LARGE1: variants seen among roughly 807,000 people sequenced by gnomAD.
LARGE1 encodes the protein LARGE xylosyl- and glucuronyltransferase 1, also known as xylosyl- and glucuronyltransferase LARGE1.
LARGE1 carries 43 observed loss-of-function variants against 87.6 expected under a neutral mutation model. The ratio of observed to expected loss-of-function variants is 0.49; its 90% CI spans 0.38 to 0.63. LARGE1 has a LOEUF of 0.63. LARGE1 is among the 30% of genes least tolerant of loss of function. The pLI, the probability that LARGE1 is intolerant of heterozygous loss-of-function variation, is 0.00. For missense variants in LARGE1, 802 were observed against 1,000.2 expected, an observed-to-expected ratio of 0.80 and a Z score of 2.67; for synonymous variants, 434 against 394.6, an observed-to-expected ratio of 1.10 and a Z score of -1.18.
At chr22:33,753,253 T>C (rs2084388713) in intron 2 of LARGE1, among the ~76,000 whole-genome samples, 1 of 151,542 alleles carries the variant, frequency 6.6e-6, no homozygotes, top group Admixed American at 6.6e-5. Flanking sequence ...ATAGTCCTAA[T>C]AAGAGGGGGG....
chr22:33,513,812 T>TACACACAC (rs56262022), intron 6 of LARGE1, among the ~76,000 whole-genome samples: 6,826 of 143,186 alleles, frequency 0.048, 207 homozygotes, highest in East Asian at 0.068. Context: ...AGAGCTGATG[T>TACACACAC]ACACACACAC....
chr22:33,580,192 G>C (rs2078475118), intron 5 of LARGE1, among the ~76,000 whole-genome samples: 1 of 152,032 alleles, frequency 6.6e-6, no homozygotes, highest in South Asian at 2.1e-4. Context: ...CCAACACGGA[G>C]AAATCCCATC....
chr22:33,833,345 T>G (rs1301038566), intron 1 of LARGE1, among the ~76,000 whole-genome samples: 1 of 152,176 alleles, frequency 6.6e-6, no homozygotes, highest in African/African-American at 2.4e-5. Flanking sequence ...GAAGACAGGA[T>G]CTTTAAAGAA....
intron 2 of LARGE1, among the ~76,000 whole-genome samples, chr22:33,678,155 T>G (rs13055295): frequency 6.4e-4 from 97 of 152,202 alleles, no homozygotes; most frequent in Non-Finnish European, 1.3e-3. Flanking sequence ...AGAGACCAAA[T>G]AAGAGTGACA....
rs200265304 is a variant in LARGE1, at chr22:33,384,220, C to T, written c.977G>A (p.Gly326Asp). The part of the protein sequence containing the change: ...WRLTAERELM[G>D]MLSTSLADQD... ...GTCAGCTAAGGATGTAGAGAGCATG[C>T]CCATGAGCTCCCTCTCTGCGGTCAG... The change falls in exon 8 of 15, where the codon GGC becomes GAC. Residue 326 changes from glycine to aspartate, a missense_variant. Coordinates refer to ENST00000397394, the MANE Select transcript of LARGE1 (RefSeq NM_133642.5). 1 of 1,614,116 alleles carries T rather than the reference C, an allele frequency of 6.2e-7. No individual in the cohort carries two copies. The highest frequency in any genetic ancestry group is 1.7e-5 in the Admixed American group (1 of 60,032).
intron 3 of LARGE1, among the ~76,000 whole-genome samples, chr22:33,648,576 G>GGCA (rs1435395495): frequency 6.6e-6 from 1 of 152,154 alleles, no homozygotes; most frequent in Non-Finnish European, 1.5e-5. Flanking sequence ...CCTTCACCAA[G>GGCA]GCAAGAACAG....
chr22:33,257,230 A>G (rs1281126467), intron 11 of LARGE1, among the ~76,000 whole-genome samples: 1 of 151,856 alleles, frequency 6.6e-6, no homozygotes, highest in Non-Finnish European at 1.5e-5. Context: ...AACAACAACA[A>G]CAACCAAAAA....
At chr22:33,593,740 C>A (rs1283063616) in intron 5 of LARGE1, among the ~76,000 whole-genome samples, 1 of 152,110 alleles carries the variant, frequency 6.6e-6, no homozygotes, top group Non-Finnish European at 1.5e-5. Context: ...AAATACTGAT[C>A]TCAGGTTGAA....
chr22:33,740,581 C>T (rs1390470066), intron 2 of LARGE1, among the ~76,000 whole-genome samples: 3 of 152,136 alleles, frequency 2.0e-5, no homozygotes, highest in Admixed American at 6.5e-5. Context: ...CAGTATCAGA[C>T]GTACACTTGG....
chr22:33,674,250 C>T (rs140542688), intron 2 of LARGE1, among the ~76,000 whole-genome samples: 240 of 152,186 alleles, frequency 1.6e-3, no homozygotes, highest in African/African-American at 5.6e-3. Context: ...AGCCAACTTC[C>T]CATTCTTCCC....
chr22:33,689,716 G>A (rs2082043154), intron 2 of LARGE1, among the ~76,000 whole-genome samples: 1 of 152,086 alleles, frequency 6.6e-6, no homozygotes, highest in African/African-American at 2.4e-5. Flanking sequence ...CACGAGGTCA[G>A]GGGTTTGAGT....
chr22:33,130,455 A>T, the LARGE1 span, among the ~76,000 whole-genome samples: 5 of 151,758 alleles, frequency 3.3e-5, no homozygotes, highest in African/African-American at 1.2e-4. Context: ...GCACCACTGC[A>T]CTCCAGCCTG....
chr22:33,407,159 C>CT (rs1366123255), intron 7 of LARGE1, among the ~76,000 whole-genome samples: 1 of 151,884 alleles, frequency 6.6e-6, no homozygotes, highest in Non-Finnish European at 1.5e-5. Context: ...TCTATTATTA[C>CT]TTTTTTAGAG....
At position 33,461,897 on chromosome 22, in the gene LARGE1, A is replaced by G. The variant is rs534295916; in HGVS notation, c.788-29632T>C. 4.6e-5 allele frequency among the ~76,000 whole-genome samples: 7 copies of G among 152,228 alleles called. No individual in the cohort carries two copies. The South Asian group carries it at 1.5e-3, about 32-fold the overall frequency. On this transcript the variant is annotated intron_variant, in intron 6 of 14. Coordinates refer to ENST00000397394, the MANE Select transcript of LARGE1 (RefSeq NM_133642.5). Reference sequence around the variant, plus strand: ...AACCAACTTGACAGCTACTTGAATGAGTCACCTTAGAAGTCAATTATCCCT... The same window carrying G: ...AACCAACTTGACAGCTACTTGAATGGGTCACCTTAGAAGTCAATTATCCCT...
At chr22:33,550,654 A>G (rs1049473733) in intron 6 of LARGE1, among the ~76,000 whole-genome samples, 11 of 152,238 alleles carry the variant, frequency 7.2e-5, no homozygotes, top group Admixed American at 6.5e-4. Context: ...CAAAAAACTA[A>G]CAATAGAACT....
At chr22:33,325,194 G>A (rs957813041) in intron 10 of LARGE1, among the ~76,000 whole-genome samples, 2 of 152,232 alleles carry the variant, frequency 1.3e-5, no homozygotes, top group African/African-American at 2.4e-5. Flanking sequence ...TGTGACTGCA[G>A]AGGACTCAAC....
At chr22:33,580,668 C>A (rs1602545135) in intron 5 of LARGE1, among the ~76,000 whole-genome samples, 2 of 152,258 alleles carry the variant, frequency 1.3e-5, no homozygotes, top group East Asian at 3.9e-4. Flanking sequence ...AAGGGCAACA[C>A]ACACACTCTG....
intron 6 of LARGE1, among the ~76,000 whole-genome samples, chr22:33,550,503 G>C (rs569138381): frequency 2.0e-5 from 3 of 152,222 alleles, no homozygotes; most frequent in African/African-American, 7.2e-5. Context: ...AAAAAGTTAT[G>C]AGATATCATC....
intron 2 of LARGE1, among the ~76,000 whole-genome samples, chr22:33,671,765 C>G (rs1270064345): frequency 6.6e-6 from 1 of 152,280 alleles, no homozygotes; most frequent in Middle Eastern, 3.4e-3. Context: ...TATTGGAACA[C>G]TAAGCATGTG....
Sources: gnomAD v4.1 joint callset for allele counts (sites outside exome capture counted in the v4.1 genomes callset) on GRCh38, gnomAD v4.1.1 for gene constraint, MANE v1.5 for transcripts, NCBI Gene and HGNC (gene_info 2026-07-23, HGNC 2026-07-21) for gene names.